Variants in PIK3CB observed in about 807,000 individuals in gnomAD.
PIK3CB encodes phosphatidylinositol-4,5-bisphosphate 3-kinase catalytic subunit beta, also known as phosphatidylinositol 4,5-bisphosphate 3-kinase catalytic subunit beta isoform.
PIK3CB carries 39 observed loss-of-function variants against 136.8 expected under a neutral mutation model. The ratio of observed to expected loss-of-function variants is 0.29; its 90% CI spans 0.22 to 0.37. The LOEUF (loss-of-function observed/expected upper bound fraction) is 0.37. PIK3CB is among the 10% of genes least tolerant of loss of function. The pLI is 1.00. For missense variants in PIK3CB, 868 were observed against 1,275.4 expected (o/e 0.68, Z 4.87); for synonymous variants, 428 against 436.6 (o/e 0.98, Z 0.25).
At chr3:138,737,641 TAA>T in intron 6 of PIK3CB, 64 bp downstream of exon 6, 1 of 505,566 alleles carries the variant, frequency 2.0e-6, no homozygotes. Flanking sequence ...AAGTCAGAAA[TAA>T]AATATATATA....
At chr3:138,760,620 CAGG>C (rs1414098796) in intron 2 of PIK3CB, among the ~76,000 whole-genome samples, 1 of 152,118 alleles carries the variant, frequency 6.6e-6, no homozygotes, top group Non-Finnish European at 1.5e-5. Flanking sequence ...TCAAAAGAGA[CAGG>C]AGGCCGGGCA....
At chr3:138,748,066 G>A (rs2045396819) in intron 4 of PIK3CB, among the ~76,000 whole-genome samples, 1 of 151,912 alleles carries the variant, frequency 6.6e-6, no homozygotes, top group Non-Finnish European at 1.5e-5. Flanking sequence ...AAGGGGCAGA[G>A]AGAAAAAGGC....
chr3:138,757,130 G>A (rs929671043), intron 3 of PIK3CB, among the ~76,000 whole-genome samples: 1 of 152,134 alleles, frequency 6.6e-6, no homozygotes, highest in East Asian at 1.9e-4. Flanking sequence ...ATGAGGCTGG[G>A]TGCAGTGGCT....
At chr3:138,834,484 C>A (rs910254836) in intron 1 of PIK3CB, among the ~76,000 whole-genome samples, 1 of 152,172 alleles carries the variant, frequency 6.6e-6, no homozygotes, top group Admixed American at 6.5e-5. Context: ...GAGCCCAGGG[C>A]GGGCCGCAAC....
intron 2 of PIK3CB, among the ~76,000 whole-genome samples, chr3:138,775,914 T>C (rs965895245): frequency 1.3e-5 from 2 of 152,294 alleles, no homozygotes; most frequent in South Asian, 2.1e-4. Context: ...AAAGCATACA[T>C]TGGCCAGCCG....
intron 8 of PIK3CB, 138 bp downstream of exon 8, chr3:138,733,220 TATA>T (rs2045025997): frequency 2.4e-6 from 1 of 423,274 alleles, no homozygotes; most frequent in East Asian, 3.6e-5. Context: ...TCAATAGTCT[TATA>T]ATAAATTACC....
intron 12 of PIK3CB, among the ~76,000 whole-genome samples, chr3:138,701,130 C>A (rs769802781): frequency 6.7e-6 from 1 of 150,304 alleles, no homozygotes; most frequent in African/African-American, 2.5e-5. Context: ...CTAAACATGA[C>A]AAAACATCAG....
chr3:138,701,968 ATC>A (rs1202805615), intron 12 of PIK3CB, among the ~76,000 whole-genome samples: 3 of 150,804 alleles, frequency 2.0e-5, no homozygotes, highest in African/African-American at 7.3e-5. Context: ...GTATATATAG[ATC>A]TCATTTATTT....
At chr3:138,814,550 C>T (rs973622931) in intron 1 of PIK3CB, among the ~76,000 whole-genome samples, 1 of 151,858 alleles carries the variant, frequency 6.6e-6, no homozygotes, top group Non-Finnish European at 1.5e-5. Context: ...CACTCCTATT[C>T]TTTATTCCTC....
At chr3:138,704,558 G>T in intron 11 of PIK3CB, 65 bp from the exon 12 acceptor site, 1 of 1,001,620 alleles carries the variant, frequency 1.0e-6, no homozygotes, top group South Asian at 1.3e-5. Context: ...AAGTGTAAAT[G>T]ACTACATTTG....
chr3:138,813,686 G>A (rs1406418596), intron 1 of PIK3CB, among the ~76,000 whole-genome samples: 1 of 151,786 alleles, frequency 6.6e-6, no homozygotes, highest in Non-Finnish European at 1.5e-5. Context: ...CAAAATGCTG[G>A]GATTACAGGC....
chr3:138,833,830 C>G (rs1451839783), intron 1 of PIK3CB, among the ~76,000 whole-genome samples: 1 of 152,160 alleles, frequency 6.6e-6, no homozygotes, highest in Non-Finnish European at 1.5e-5. Context: ...TCATCCTAAG[C>G]GAATCCCGAA....
intron 21 of PIK3CB, among the ~76,000 whole-genome samples, chr3:138,659,446 G>C (rs566928974): frequency 8.5e-4 from 130 of 152,152 alleles, no homozygotes; most frequent in Non-Finnish European, 1.4e-3. Flanking sequence ...GAACCCAGGA[G>C]GCGGAGGCTG....
At chr3:138,758,330 T>C (rs1559866100) in intron 3 of PIK3CB, among the ~76,000 whole-genome samples, 1 of 152,244 alleles carries the variant, frequency 6.6e-6, no homozygotes, top group Admixed American at 6.5e-5. Flanking sequence ...CTGGTGATGG[T>C]TGCACAGCAC....
At chr3:138,823,240 G>C (rs1933638597) in intron 1 of PIK3CB, among the ~76,000 whole-genome samples, 1 of 151,442 alleles carries the variant, frequency 6.6e-6, no homozygotes, top group African/African-American at 2.4e-5. Context: ...GGGCAACACA[G>C]CAAGTCCCCA....
rs552845297 is a variant in PIK3CB, at chr3:138,692,463, A to C, written c.1893-1320T>G. ...CCCTCCACAACAGGTCTCCAATGCA[A>C]ACTTAAGCAGATGGTGAAGCAACTG... is the stretch of plus-strand genomic sequence containing the variant. On this transcript the variant is annotated intron_variant, in intron 14 of 23. Transcript: ENST00000674063. 3.4e-3 allele frequency among the ~76,000 whole-genome samples: 517 copies of C among 152,356 alleles called. 7 individuals are homozygous for C. The highest frequency in any genetic ancestry group is 0.011 in the African/African-American group (476 of 41,588).
chr3:138,657,887 T>C, intron 21 of PIK3CB, 52 bp from the exon 22 acceptor site: 1 of 1,566,700 alleles, frequency 6.4e-7, no homozygotes, highest in Non-Finnish European at 8.7e-7. Flanking sequence ...GGGTTCCAAA[T>C]ATAAAGGCAA....
chr3:138,814,330 T>C (rs1933203532), intron 1 of PIK3CB, among the ~76,000 whole-genome samples: 1 of 151,872 alleles, frequency 6.6e-6, no homozygotes, highest in Non-Finnish European at 1.5e-5. Flanking sequence ...ATACAAAAAT[T>C]AGCCAGGTGT....
chr3:138,708,980 A>C (rs1576344413), intron 10 of PIK3CB, among the ~76,000 whole-genome samples: 1 of 151,956 alleles, frequency 6.6e-6, no homozygotes, highest in East Asian at 2.0e-4. Context: ...ACAGAGTCTC[A>C]CTATGTTGTC....
Sources: allele counts gnomAD v4.1 joint callset (sites outside exome capture counted in the v4.1 genomes callset), GRCh38; gene constraint gnomAD v4.1.1; transcripts MANE v1.5; gene names NCBI Gene and HGNC (gene_info 2026-07-23, HGNC 2026-07-21).